The following CSMD1 variants were observed in gnomAD, a reference collection of about 807,000 sequenced individuals.
The protein encoded by CSMD1 is CUB and Sushi multiple domains 1, also known as CUB and sushi domain-containing protein 1.
In CSMD1, 213 loss-of-function variants were observed where a neutral mutation model predicts 417.5. The observed-to-expected ratio is 0.51, with a 90% CI of 0.46 to 0.57. The LOEUF (loss-of-function observed/expected upper bound fraction) is 0.57. CSMD1 is among the 20% of genes least tolerant of loss of function. The pLI is 0.00. For missense variants in CSMD1, 6,923 were observed against 4,529.7 expected (o/e 1.53, Z -15.17); for synonymous variants, 2,862 against 1,736.8 (o/e 1.65, Z -16.11).
At chr8:4,075,763 C>G (rs1273912296) in intron 3 of CSMD1, among the ~76,000 whole-genome samples, 2 of 152,056 alleles carry the variant, frequency 1.3e-5, no homozygotes, top group Admixed American at 6.5e-5. Flanking sequence ...CAGAATTTTT[C>G]CACCCTAGCC....
intron 3 of CSMD1, among the ~76,000 whole-genome samples, chr8:4,232,092 C>T (rs1801767287): frequency 6.6e-6 from 1 of 152,222 alleles, no homozygotes; most frequent in South Asian, 2.1e-4. Flanking sequence ...AGTACTTGAT[C>T]ACATTCATGC....
chr8:3,777,004 A>T (rs1798927173), intron 5 of CSMD1, among the ~76,000 whole-genome samples: 1 of 151,780 alleles, frequency 6.6e-6, no homozygotes, highest in Non-Finnish European at 1.5e-5. Flanking sequence ...ATGACCCCCC[A>T]CATCTGACCT....
At chr8:3,912,489 A>G (rs1488558971) in intron 5 of CSMD1, among the ~76,000 whole-genome samples, 1 of 152,150 alleles carries the variant, frequency 6.6e-6, no homozygotes, top group Non-Finnish European at 1.5e-5. Context: ...CTAGACCCTC[A>G]AGTGAAACAT....
Position 3,412,077 on chromosome 8 carries a change from TACATATATATACAC to T in CSMD1, c.1562-2486_1562-2473del, listed in dbSNP as rs1243961420. Among the ~76,000 whole-genome samples the T allele has an allele frequency of 2.4e-4, 11 of 46,332 alleles. 1 individual carries two copies. Among genetic ancestry groups the T allele is most frequent in the African/African-American group, 1.0e-3 (11 of 10,514 alleles). 30.4% of individuals were successfully genotyped at this position (46,332 alleles called of 152,430 possible). A position where few individuals can be genotyped will look rare whatever the true frequency, so the allele number is the denominator to read the frequency against. On this transcript the variant is annotated intron_variant, in intron 12 of 69. Coordinates refer to ENST00000635120, the MANE Select transcript of CSMD1 (RefSeq NM_033225.6). ...ATATACACACGTATATATACATATATACATATATATACACACGTATATATACATATATACATATA... is the reference window on the plus strand; with the variant it reads ...ATATACACACGTATATATACATATATACGTATATATACATATATACATATA...
intron 5 of CSMD1, among the ~76,000 whole-genome samples, chr8:3,822,569 C>G (rs558815924): frequency 6.6e-6 from 1 of 152,298 alleles, no homozygotes; most frequent in Non-Finnish European, 1.5e-5. Flanking sequence ...GCCTCTATCA[C>G]TTCATGGGTT....
chr8:3,026,970 A>G (rs138132758), intron 51 of CSMD1, among the ~76,000 whole-genome samples: 73 of 152,282 alleles, frequency 4.8e-4, no homozygotes, highest in African/African-American at 1.6e-3. Flanking sequence ...AAAAGAGGAG[A>G]AAGCGGCCAT....
chr8:3,679,987 C>A lies in CSMD1; in HGVS notation c.1009+28427G>T, dbSNP rs571517983. ...AAATAAAGATGTTCTTTGAAACCAACGAGAACAAAGACACAACATGCCAGA... is the reference window on the plus strand; with the variant it reads ...AAATAAAGATGTTCTTTGAAACCAAAGAGAACAAAGACACAACATGCCAGA... On this transcript the variant is annotated intron_variant, in intron 7 of 69. Transcript: ENST00000635120. Among the ~76,000 whole-genome samples, 24 of 152,058 alleles carry A rather than the reference C, an allele frequency of 1.6e-4. No individual in the cohort carries two copies. The South Asian group carries it at 2.1e-3, about 13-fold the overall frequency.
At chr8:4,384,907 G>A (rs931108172) in intron 3 of CSMD1, among the ~76,000 whole-genome samples, 1 of 152,144 alleles carries the variant, frequency 6.6e-6, no homozygotes, top group African/African-American at 2.4e-5. Flanking sequence ...CAGAGTGGCT[G>A]GATGGCTTCC....
intron 7 of CSMD1, among the ~76,000 whole-genome samples, chr8:3,645,933 T>A (rs569471595): frequency 1.3e-5 from 2 of 152,278 alleles, no homozygotes; most frequent in South Asian, 4.1e-4. Context: ...TCTTGAATAT[T>A]CTATTATCAA....
chr8:3,715,494 G>C (rs553354058), intron 6 of CSMD1, among the ~76,000 whole-genome samples: 54 of 152,114 alleles, frequency 3.5e-4, no homozygotes, highest in South Asian at 3.5e-3. Flanking sequence ...AAAATGTGTT[G>C]TTCCATTTCC....
At chr8:4,885,618 G>A (rs1033460492) in intron 1 of CSMD1, among the ~76,000 whole-genome samples, 1 of 151,730 alleles carries the variant, frequency 6.6e-6, no homozygotes, top group Non-Finnish European at 1.5e-5. Context: ...TGTTGATATA[G>A]TATATCACAT....
intron 3 of CSMD1, among the ~76,000 whole-genome samples, chr8:4,287,656 GTAT>G (rs57908266): frequency 2.7e-5 from 4 of 146,128 alleles, no homozygotes; most frequent in East Asian, 4.0e-4. Context: ...GTCATAGGTG[GTAT>G]TATTATTATT....
At chr8:3,049,614 T>G (rs1327493284) in intron 50 of CSMD1, among the ~76,000 whole-genome samples, 1 of 136,794 alleles carries the variant, frequency 7.3e-6, no homozygotes, top group African/African-American at 2.6e-5. Context: ...CACAGGAGAC[T>G]TTAAGGGCCA....
intron 5 of CSMD1, among the ~76,000 whole-genome samples, chr8:3,898,003 G>C (rs150886937): frequency 6.6e-6 from 1 of 152,134 alleles, no homozygotes; most frequent in African/African-American, 2.4e-5. Flanking sequence ...GCTCCTAGGA[G>C]GTGCCCAGAT....
intron 18 of CSMD1, among the ~76,000 whole-genome samples, chr8:3,382,633 C>A (rs1242694175): frequency 7.1e-6 from 1 of 141,688 alleles, no homozygotes; most frequent in African/African-American, 2.5e-5. Flanking sequence ...ATATAAATAT[C>A]TCTCTCTATA....
intron 2 of CSMD1, among the ~76,000 whole-genome samples, chr8:4,421,099 A>C (rs1478429083): frequency 6.6e-6 from 1 of 152,164 alleles, no homozygotes; most frequent in Non-Finnish European, 1.5e-5. Context: ...CAACTTTCAG[A>C]CAGTGCATTC....
chr8:4,621,401 A>G (rs754403342), intron 2 of CSMD1, among the ~76,000 whole-genome samples: 15 of 152,128 alleles, frequency 9.9e-5, no homozygotes, highest in African/African-American at 1.7e-4. Context: ...GAATTTTATA[A>G]TTAGAGATGC....
At chr8:3,530,701 T>C (rs1055626672) in intron 10 of CSMD1, among the ~76,000 whole-genome samples, 2 of 151,986 alleles carry the variant, frequency 1.3e-5, no homozygotes, top group Non-Finnish European at 2.9e-5. Flanking sequence ...CAGCTAATTT[T>C]TGTATTTTTA....
At chr8:4,702,082 G>A (rs1246332530) in intron 1 of CSMD1, among the ~76,000 whole-genome samples, 5 of 152,108 alleles carry the variant, frequency 3.3e-5, no homozygotes, top group African/African-American at 1.2e-4. Context: ...CACAGGAAAG[G>A]GAACAACACA....
Sources: allele counts gnomAD v4.1 joint callset (sites outside exome capture counted in the v4.1 genomes callset), GRCh38; gene constraint gnomAD v4.1.1; transcripts MANE v1.5; gene names NCBI Gene and HGNC (gene_info 2026-07-23, HGNC 2026-07-21).